The following KIF5B variants were observed in gnomAD, a reference collection of about 807,000 sequenced individuals.
KIF5B encodes kinesin family member 5B.
KIF5B carries 49 observed loss-of-function variants against 132.8 expected under a neutral mutation model. The observed-to-expected ratio is 0.37, with a 90% CI of 0.29 to 0.47. The LOEUF is 0.47. Ranked by LOEUF, KIF5B falls within the 20% of genes least tolerant of loss-of-function variation. The probability of loss-of-function intolerance (pLI) is 1.00; values close to 1 mark genes in which losing one functional copy is unlikely to be tolerated. For synonymous variants in KIF5B, 355 were observed against 369.4 expected, an observed-to-expected ratio of 0.96 and a Z score of 0.45; for missense variants, 780 against 1,144.0, an observed-to-expected ratio of 0.68 and a Z score of 4.59.
intron 19 of KIF5B, among the ~76,000 whole-genome samples, chr10:32,020,607 T>C (rs1031911524): frequency 6.6e-6 from 1 of 152,098 alleles, no homozygotes; most frequent in African/African-American, 2.4e-5. Context: ...TTATTTTTTG[T>C]AGAGATGGAG....
At chr10:32,012,069 T>C (rs1454404596) in intron 25 of KIF5B, among the ~76,000 whole-genome samples, 2 of 152,206 alleles carry the variant, frequency 1.3e-5, no homozygotes, top group Non-Finnish European at 2.9e-5. Context: ...TAAAGTACTA[T>C]GCAAGGCAGA....
chr10:32,044,268 T>C (rs1298872760), intron 2 of KIF5B, among the ~76,000 whole-genome samples: 4 of 152,236 alleles, frequency 2.6e-5, no homozygotes, highest in African/African-American at 9.6e-5. Flanking sequence ...AGAAACCTTG[T>C]ATTCTAACAC....
chr10:32,055,709 T>G, intron 1 of KIF5B, 139 bp downstream of exon 1: 4 of 1,190,516 alleles, frequency 3.4e-6, no homozygotes, highest in Non-Finnish European at 4.6e-6. Flanking sequence ...CACTGGGTTA[T>G]CTGAACCGGC....
intron 25 of KIF5B, among the ~76,000 whole-genome samples, chr10:32,014,282 T>C (rs1280158353): frequency 1.3e-5 from 2 of 152,050 alleles, no homozygotes; most frequent in Non-Finnish European, 2.9e-5. Context: ...TCCCAGCTAC[T>C]TGGGAGGCTG....
At chr10:32,054,812 C>A (rs1042797395) in intron 1 of KIF5B, among the ~76,000 whole-genome samples, 1 of 152,164 alleles carries the variant, frequency 6.6e-6, no homozygotes, top group Non-Finnish European at 1.5e-5. Context: ...TCACACCTTT[C>A]AATGCCAGAG....
intron 25 of KIF5B, among the ~76,000 whole-genome samples, chr10:32,013,500 G>C (rs1208061449): frequency 6.6e-6 from 1 of 152,140 alleles, no homozygotes; most frequent in Non-Finnish European, 1.5e-5. Context: ...ACTAAAGAGG[G>C]TGCTCATTCA....
intron 20 of KIF5B, 25 bp downstream of exon 20, chr10:32,019,833 A>C (rs1348698878): frequency 6.8e-7 from 1 of 1,462,354 alleles, no homozygotes; most frequent in Non-Finnish European, 9.5e-7. Flanking sequence ...TTATTTTTAA[A>C]CTTTAATTAA....
intron 14 of KIF5B, among the ~76,000 whole-genome samples, chr10:32,030,188 A>C (rs1371086252): frequency 6.6e-6 from 1 of 152,182 alleles, no homozygotes; most frequent in Non-Finnish European, 1.5e-5. Context: ...GAGGTTGGCG[A>C]TGTCTGTCCT....
Position 32,017,308 on chromosome 10 carries a change from G to T in KIF5B, c.2596C>A (p.Arg866=). Residue 866 remains arginine (R), a synonymous_variant, in exon 24 of 26, where the codon CGA becomes AGA. Transcript: ENST00000302418. The part of the protein sequence containing the change: ...LRCELPKLEK[R]LRATAERVKA... ...ACTCTCTCAGCTGTAGCTCGAAGTC[G>T]CTTTTCCAACTTAGGAAGTTCACAG... is the stretch of plus-strand genomic sequence containing the variant. 4.3e-6 allele frequency: 7 copies of T among 1,614,126 alleles called. No homozygotes were observed. The highest frequency in any genetic ancestry group is 1.6e-4 in the Middle Eastern group (1 of 6,062).
At chr10:32,025,214 C>G (rs1201633369) in intron 15 of KIF5B, among the ~76,000 whole-genome samples, 4 of 152,258 alleles carry the variant, frequency 2.6e-5, no homozygotes, top group Non-Finnish European at 5.9e-5. Flanking sequence ...AGCAGACTCT[C>G]ATTCATGGCT....
chr10:32,023,068 G>A (rs1317437914), intron 15 of KIF5B, 32 bp from the exon 16 acceptor site: 1 of 1,371,456 alleles, frequency 7.3e-7, no homozygotes, highest in Admixed American at 2.2e-5. Context: ...AAAAATTAAA[G>A]CCAAAAATGT....
intron 2 of KIF5B, among the ~76,000 whole-genome samples, chr10:32,045,308 A>G (rs1400226237): frequency 6.6e-6 from 1 of 151,764 alleles, no homozygotes; most frequent in Non-Finnish European, 1.5e-5. Context: ...TCATATTCAG[A>G]AAAAAAATAA....
At position 32,031,190 on chromosome 10, in the gene KIF5B, C is replaced by G; in HGVS notation, c.1464G>C (p.Val488=). The G allele has an allele frequency of 6.2e-7, 1 of 1,613,982 alleles. No individual in the cohort carries two copies. Among genetic ancestry groups the G allele is most frequent in the Non-Finnish European group, 8.5e-7 (1 of 1,179,932 alleles). Reference sequence around the variant, plus strand: ...CTTCTAGGGCCTGTAAAACTTCTTTCACTTCTTCTTTAGAGGCATCATTTT... The same window carrying G: ...CTTCTAGGGCCTGTAAAACTTCTTTGACTTCTTCTTTAGAGGCATCATTTT... The part of the protein sequence containing the change: ...QAENDASKEE[V]KEVLQALEEL... The change falls in exon 14 of 26, where the codon GTG becomes GTC. Residue 488 remains valine (V), a synonymous_variant. Coordinates refer to ENST00000302418, the MANE Select transcript of KIF5B (RefSeq NM_004521.3).
chr10:32,009,926 A>T lies in KIF5B; in HGVS notation c.*1611T>A, dbSNP rs1245898460. 6.6e-6 allele frequency: 1 copy of T among 152,102 alleles called. No individual in the cohort carries two copies. Among genetic ancestry groups the T allele is most frequent in the Non-Finnish European group, 1.5e-5 (1 of 68,004 alleles). The allele number at this position is 152,102 out of a possible 1,614,324, so 9.4% of individuals were successfully genotyped here. The stretch of plus-strand genomic sequence containing the variant: ...GAGGTTGCAGACTACAACAGCAAAG[A>T]TTTTTGACTATTAAAAAAATAAATA... On this transcript the variant is annotated 3_prime_UTR_variant, in exon 26 of 26. Transcript: ENST00000302418.
intron 15 of KIF5B, among the ~76,000 whole-genome samples, chr10:32,027,264 G>A (rs1416313404): frequency 6.6e-6 from 1 of 152,062 alleles, no homozygotes. Context: ...AACAGCTACT[G>A]CAACATACAA....
At chr10:32,024,592 A>C (rs10827005) in intron 15 of KIF5B, among the ~76,000 whole-genome samples, 32,172 of 151,330 alleles carry the variant, frequency 0.21, 3,624 homozygotes, top group Non-Finnish European at 0.25. Flanking sequence ...GGCGAAACCC[A>C]GTTGCTACTA....
In KIF5B at chr10:32,015,537, G is replaced by A; in HGVS notation, c.2884C>T (p.Gln962Ter). Reference protein sequence around the residue: ...PVAVRGGGGKQV With the variant: ...PVAVRGGGGK ...TGGGTATGTATAAACGATTACACTTGTTTGCCTCCTCCACCTCGCACTGCC... is the reference window on the plus strand; with the variant it reads ...TGGGTATGTATAAACGATTACACTTATTTGCCTCCTCCACCTCGCACTGCC... The change falls in exon 25 of 26, where the codon CAA becomes TAA. Residue 962 changes from glutamine to a stop codon, truncating the protein, a stop_gained. Transcript: ENST00000302418. LOFTEE classifies it high-confidence loss of function. The A allele has an allele frequency of 6.2e-7, 1 of 1,610,256 alleles. No homozygotes were observed. Among genetic ancestry groups the A allele is most frequent in the South Asian group, 1.1e-5 (1 of 90,468 alleles).
intron 1 of KIF5B, among the ~76,000 whole-genome samples, chr10:32,053,477 C>A (rs1191032492): frequency 2.7e-5 from 4 of 150,422 alleles, no homozygotes; most frequent in Non-Finnish European, 5.9e-5. Flanking sequence ...GTGATCCCAG[C>A]ACTTTGGGAG....
intron 11 of KIF5B, among the ~76,000 whole-genome samples, 195 bp downstream of exon 11, chr10:32,034,495 C>G (rs1232756485): frequency 6.6e-6 from 1 of 152,182 alleles, no homozygotes; most frequent in East Asian, 1.9e-4. Context: ...ATTAATTCTA[C>G]TACTGATGGT....
Sources: gnomAD v4.1 joint callset for allele counts (sites outside exome capture counted in the v4.1 genomes callset) on GRCh38, gnomAD v4.1.1 for gene constraint, MANE v1.5 for transcripts, NCBI Gene and HGNC (gene_info 2026-07-23, HGNC 2026-07-21) for gene names.